The following TSPEAR variants were observed in gnomAD, a reference collection of about 807,000 sequenced individuals.
TSPEAR encodes the protein thrombospondin type laminin G domain and EAR repeats, also known as thrombospondin-type laminin G domain and EAR repeat-containing protein.
TSPEAR carries 69 observed loss-of-function variants against 71.6 expected under a neutral mutation model. That is an observed-to-expected ratio of 0.96 (90% CI 0.79 to 1.18). TSPEAR has a LOEUF of 1.18. Among genes scored for constraint, TSPEAR ranks in the 50% most tolerant of loss-of-function variants. The pLI is 0.00. For synonymous variants in TSPEAR, 402 were observed against 387.2 expected (o/e 1.04, Z -0.45); for missense variants, 971 against 894.9 (o/e 1.09, Z -1.09).
intron 1 of TSPEAR, among the ~76,000 whole-genome samples, chr21:44,707,340 G>C (rs1987983216): frequency 6.6e-6 from 1 of 152,000 alleles, no homozygotes; most frequent in Non-Finnish European, 1.5e-5. Context: ...AGGGTCGGAA[G>C]GGTGAGGGGT....
At chr21:44,682,124 G>C in intron 1 of TSPEAR, 1 of 1,613,406 alleles carries the variant, frequency 6.2e-7, no homozygotes, top group South Asian at 1.1e-5. Flanking sequence ...TGTGGCACAT[G>C]GTGGCGTGTG....
intron 1 of TSPEAR, among the ~76,000 whole-genome samples, chr21:44,699,862 C>G (rs1987569146): frequency 6.6e-6 from 1 of 152,180 alleles, no homozygotes; most frequent in Admixed American, 6.5e-5. Context: ...GCGTCTTCCT[C>G]CAAACTGCCC....
chr21:44,657,888 A>AGAT, intron 1 of TSPEAR: 1 of 1,245,468 alleles, frequency 8.0e-7, no homozygotes, highest in Non-Finnish European at 1.1e-6. Flanking sequence ...TGTGTTACCC[A>AGAT]GATGACAGGA....
At chr21:44,535,442 A>G (rs587683050) in intron 2 of TSPEAR, among the ~76,000 whole-genome samples, 1 of 152,374 alleles carries the variant, frequency 6.6e-6, no homozygotes, top group East Asian at 1.9e-4. Flanking sequence ...CAGGTATGAA[A>G]ACAGTTAGAC....
rs201894218 is a variant in TSPEAR, at chr21:44,525,104, C to T, written c.1336+549G>A. Among the ~76,000 whole-genome samples, 10 of 150,784 alleles carry T rather than the reference C, an allele frequency of 6.6e-5. No individual in the cohort carries two copies. In the East Asian group the frequency reaches 2.0e-3, roughly 30 times the overall value. On this transcript the variant is annotated intron_variant, in intron 8 of 11. Coordinates refer to ENST00000323084, the MANE Select transcript of TSPEAR (RefSeq NM_144991.3). The stretch of plus-strand genomic sequence containing the variant: ...CCAGTCAGCTAGTCATTCAGGTTGT[C>T]AGTCAGCCAATCAGGTATCAGTCAG...
intron 8 of TSPEAR, among the ~76,000 whole-genome samples, chr21:44,524,232 C>T (rs938812222): frequency 1.3e-5 from 2 of 151,106 alleles, no homozygotes; most frequent in African/African-American, 4.9e-5. Context: ...GTCAGTCAGT[C>T]AGTGAGGTAG....
At position 44,520,869 on chromosome 21, in the gene TSPEAR, G is replaced by C. The variant is rs2052720735; in HGVS notation, c.1566+1014C>G. 6.6e-6 allele frequency: 1 copy of C among 152,346 alleles called. No individual in the cohort carries two copies. Among genetic ancestry groups the C allele is most frequent in the African/African-American group, 2.4e-5 (1 of 41,470 alleles). The allele number at this position is 152,346 out of a possible 1,614,324, so 9.4% of individuals were successfully genotyped here. Reference sequence around the variant, plus strand: ...GTCTAATGCAGGGGTAGCCTGGCAAGGCCTGACTGTTGTCACTGTTTTTCC... The same window carrying C: ...GTCTAATGCAGGGGTAGCCTGGCAACGCCTGACTGTTGTCACTGTTTTTCC... On this transcript the variant is annotated intron_variant, in intron 9 of 11. Coordinates refer to ENST00000323084, the MANE Select transcript of TSPEAR (RefSeq NM_144991.3). The surrounding 1 kb of genome is among the most constrained non-coding windows in gnomAD (Gnocchi z 4.2).
intron 2 of TSPEAR, chr21:44,539,166 G>T: frequency 7.1e-7 from 1 of 1,405,796 alleles, no homozygotes; most frequent in East Asian, 2.5e-5. Flanking sequence ...CAAGGAGGGG[G>T]GGTCACCTCA....
chr21:44,508,977 G>A, intron 10 of TSPEAR: 2 of 1,535,158 alleles, frequency 1.3e-6, no homozygotes, highest in African/African-American at 1.4e-5. Context: ...CCCGGCTCTG[G>A]GAACCAAACC....
At chr21:44,608,439 T>C (rs587599387) in intron 1 of TSPEAR, among the ~76,000 whole-genome samples, 20 of 152,342 alleles carry the variant, frequency 1.3e-4, no homozygotes, top group African/African-American at 4.6e-4. Flanking sequence ...TGCAACCAAT[T>C]GGGACTTTTG....
At chr21:44,510,826 T>C (rs587632542) in intron 9 of TSPEAR, 2 of 152,144 alleles carry the variant, frequency 1.3e-5, no homozygotes, top group African/African-American at 4.8e-5. Context: ...AAAGCAAGAC[T>C]CACTAGGCAA....
In TSPEAR at chr21:44,711,398, A is replaced by T. The variant is rs782121252; in HGVS notation, c.82+35T>A. ...ACACCCCTCCCAGCTCCCCGGCAAG[A>T]TACCCCCGCCCGAGTTCCCATGCCC... On this transcript the variant is annotated intron_variant, in intron 1 of 11. Coordinates refer to ENST00000323084, the MANE Select transcript of TSPEAR (RefSeq NM_144991.3). The surrounding 1 kb of genome is among the most constrained non-coding windows in gnomAD (Gnocchi z 4.5). The T allele has an allele frequency of 1.3e-6, 2 of 1,553,618 alleles. No homozygotes were observed. Among genetic ancestry groups the T allele is most frequent in the Non-Finnish European group, 1.7e-6 (2 of 1,145,852 alleles).
Position 44,521,944 on chromosome 21 carries a change from T to G in TSPEAR, c.1505A>C (p.Lys502Thr). The G allele has an allele frequency of 6.2e-7, 1 of 1,614,006 alleles. No homozygotes were observed. The highest frequency in any genetic ancestry group is 8.5e-7 in the Non-Finnish European group (1 of 1,179,984). Reference sequence around the variant, plus strand: ...TCGGATGTAGAGGTGCGAGTGCACCTTGGTGGAGGTGCCGTTGAAGGTGTT... The same window carrying G: ...TCGGATGTAGAGGTGCGAGTGCACCGTGGTGGAGGTGCCGTTGAAGGTGTT... ...VANTFNGTST[K>T]VHSHLYIRLL... is the part of the protein sequence containing the mutation. Residue 502 changes from lysine to threonine, a missense_variant, in exon 9 of 12, where the codon AAG becomes ACG. Transcript: ENST00000323084.
chr21:44,538,337 TGA>T (rs1384570131), intron 2 of TSPEAR, among the ~76,000 whole-genome samples: 8 of 151,326 alleles, frequency 5.3e-5, no homozygotes, highest in African/African-American at 1.7e-4. Flanking sequence ...CTTAGAGAGA[TGA>T]GAGTGTCGCT....
At chr21:44,521,805 C>T (rs1046415975) in intron 9 of TSPEAR, 78 bp downstream of exon 9, 15 of 1,389,036 alleles carry the variant, frequency 1.1e-5, no homozygotes, top group Non-Finnish European at 1.4e-5. Context: ...CCCCAGCCCA[C>T]ATCACCTGTC....
chr21:44,635,461 C>T (rs1983500868), intron 1 of TSPEAR, among the ~76,000 whole-genome samples: 1 of 151,954 alleles, frequency 6.6e-6, no homozygotes, highest in African/African-American at 2.4e-5. Flanking sequence ...TGTGGCGTGT[C>T]CCTTTGATGG....
rs781910869 is a variant in TSPEAR, at chr21:44,600,616, C to A, written c.83-32611G>T. On this transcript the variant is annotated intron_variant, in intron 1 of 11. Transcript: ENST00000323084. ...CACTCCCATCTCCTCCAGTTCAATC[C>A]CCAGCATGGCTGCGTCCACTATGTC... 3.1e-6 allele frequency: 5 copies of A among 1,610,404 alleles called. No homozygotes were observed. In the East Asian group the frequency reaches 6.7e-5, roughly 22 times the overall value.
chr21:44,684,257 C>T (rs563204691), intron 1 of TSPEAR, among the ~76,000 whole-genome samples: 4 of 152,308 alleles, frequency 2.6e-5, no homozygotes, highest in South Asian at 2.1e-4. Flanking sequence ...GAGGCCGGGC[C>T]GGGCACTGTG....
chr21:44,687,016 G>T lies in TSPEAR; in HGVS notation c.82+24417C>A, dbSNP rs1308127566. ...GCTGAAGCTGCTGAGTCCAAAGGGG[G>T]TGTCTCCTTCCCAGTAGTTTCAGAC... is the stretch of plus-strand genomic sequence containing the variant. On this transcript the variant is annotated intron_variant, in intron 1 of 11. Coordinates refer to ENST00000323084, the MANE Select transcript of TSPEAR (RefSeq NM_144991.3). The surrounding 1 kb of genome is among the most constrained non-coding windows in gnomAD (Gnocchi z 4.4). 7.2e-5 allele frequency among the ~76,000 whole-genome samples: 11 copies of T among 152,310 alleles called. No homozygotes were observed. The highest frequency in any genetic ancestry group is 3.9e-4 in the East Asian group (2 of 5,190).
Sources: gnomAD v4.1 joint callset for allele counts (sites outside exome capture counted in the v4.1 genomes callset) on GRCh38, gnomAD v4.1.1 for gene constraint, Gnocchi (gnomAD v3.1) non-coding constraint, MANE v1.5 for transcripts, NCBI Gene and HGNC (gene_info 2026-07-23, HGNC 2026-07-21) for gene names.